SPTAN1: variants seen among roughly 807,000 people sequenced by gnomAD.
SPTAN1 encodes spectrin alpha, non-erythrocytic 1.
A neutral mutation model predicts 331.3 loss-of-function variants in SPTAN1; 61 were observed. That is an observed-to-expected ratio of 0.18 (90% confidence interval 0.15 to 0.23). The LOEUF is 0.23. SPTAN1 is among the 10% of genes least tolerant of loss of function. The pLI is 1.00. For missense variants in SPTAN1, 2,043 were observed against 3,147.9 expected (o/e 0.65, Z 8.40); for synonymous variants, 1,153 against 1,173.9 (o/e 0.98, Z 0.36).
At position 128,581,007 on chromosome 9, in the gene SPTAN1, A is replaced by G. The variant is rs770224141; in HGVS notation, c.1409A>G (p.Gln470Arg). Residue 470 changes from glutamine (Q) to arginine (R), a missense_variant, in exon 11 of 57, where the codon CAG becomes CGG. This residue lies in a region of SPTAN1 where 1,038 missense variants were observed against 1,531.5 expected (regional missense o/e 0.68). Coordinates refer to ENST00000372739, the MANE Select transcript of SPTAN1 (RefSeq NM_001130438.3). ...RQQYEQCMDLQLFYRDTEQVD... is the reference protein window; with the variant it reads ...RQQYEQCMDLRLFYRDTEQVD... ...CAGTACGAGCAGTGCATGGACCTGCAGCTCTTCTACCGGGACACTGAGCAG... is the reference window on the plus strand; with the variant it reads ...CAGTACGAGCAGTGCATGGACCTGCGGCTCTTCTACCGGGACACTGAGCAG... The G allele has an allele frequency of 1.2e-6, 2 of 1,614,126 alleles. No individual in the cohort carries two copies. The highest frequency in any genetic ancestry group is 1.7e-6 in the Non-Finnish European group (2 of 1,180,048).
chr9:128,606,841 T>C (rs1286932889), intron 31 of SPTAN1, among the ~76,000 whole-genome samples: 1 of 152,128 alleles, frequency 6.6e-6, no homozygotes, highest in Non-Finnish European at 1.5e-5. Context: ...TTAACTACTT[T>C]AAAATGTGCA....
chr9:128,580,755 T>C (rs1486550163), intron 10 of SPTAN1, among the ~76,000 whole-genome samples, 167 bp from the exon 11 acceptor site: 1 of 152,200 alleles, frequency 6.6e-6, no homozygotes, highest in Non-Finnish European at 1.5e-5. Flanking sequence ...ATCCCTTTTA[T>C]ATTGAACATG....
chr9:128,621,386 A>G (rs1372325439), intron 45 of SPTAN1, 130 bp downstream of exon 45: 2 of 751,786 alleles, frequency 2.7e-6, no homozygotes, highest in African/African-American at 1.7e-5. Flanking sequence ...ACCAGCAGCA[A>G]TTCCATTCCT....
intron 1 of SPTAN1, among the ~76,000 whole-genome samples, chr9:128,561,356 G>A (rs1310387368): frequency 3.0e-5 from 4 of 133,716 alleles, no homozygotes; most frequent in Non-Finnish European, 6.3e-5. Context: ...TGGCGACAGA[G>A]CAAGACTCCA....
At chr9:128,594,027 T>A (rs1853889130) in intron 23 of SPTAN1, 148 bp from the exon 24 acceptor site, 1 of 764,002 alleles carries the variant, frequency 1.3e-6, no homozygotes. Flanking sequence ...CTCGTCTTCA[T>A]CTGATAACTC....
intron 3 of SPTAN1, among the ~76,000 whole-genome samples, chr9:128,569,145 TAAAGA>T: frequency 6.6e-6 from 1 of 152,346 alleles, no homozygotes; most frequent in East Asian, 1.9e-4. Flanking sequence ...GATTATACTT[TAAAGA>T]AAACTGTGAA....
chr9:128,582,734 G>T lies in SPTAN1; in HGVS notation c.1691G>T (p.Arg564Leu). The T allele has an allele frequency of 2.5e-6, 4 of 1,613,950 alleles. No homozygotes were observed. Among genetic ancestry groups the T allele is most frequent in the Non-Finnish European group, 3.4e-6 (4 of 1,180,036 alleles). ...RRNALHERAM[R>L]RRAQLADSFH... ...AATGCCCTTCACGAGAGAGCCATGCGTCGCCGGGCCCAGCTAGCCGATTCT... is the reference window on the plus strand; with the variant it reads ...AATGCCCTTCACGAGAGAGCCATGCTTCGCCGGGCCCAGCTAGCCGATTCT... Residue 564 changes from arginine to leucine, a missense_variant, in exon 14 of 57, where the codon CGT becomes CTT. Physicochemically the swap from Arg to Leu is moderately radical, Grantham distance 102 (BLOSUM62 -2). Transcript: ENST00000372739.
At chr9:128,599,065 C>T (rs1854701498) in intron 26 of SPTAN1, 79 bp downstream of exon 26, 2 of 1,395,408 alleles carry the variant, frequency 1.4e-6, no homozygotes, top group African/African-American at 1.4e-5. Context: ...CCAAGAACTT[C>T]TTCATCAGAA....
At chr9:128,558,101 C>CT (rs1406805694) in intron 1 of SPTAN1, among the ~76,000 whole-genome samples, 2 of 152,206 alleles carry the variant, frequency 1.3e-5, no homozygotes, top group Non-Finnish European at 2.9e-5. Flanking sequence ...CCGCGCCCAG[C>CT]TGTATATTAG....
chr9:128,605,334 G>C lies in SPTAN1; in HGVS notation c.3903G>C (p.Gln1301His). 6.2e-7 allele frequency: 1 copy of C among 1,614,184 alleles called. No homozygotes were observed. The highest frequency in any genetic ancestry group is 8.5e-7 in the Non-Finnish European group (1 of 1,180,044). The change falls in exon 31 of 57, where the codon CAG (glutamine) becomes CAC (histidine). Residue 1301 changes from glutamine (Q) to histidine (H), a missense_variant. Physicochemically the swap from Gln to His is conservative, Grantham distance 24. Around this residue, in one of 12 missense-constraint regions of SPTAN1, gnomAD observed 42 missense variants for 106.0 expected, o/e 0.40. Coordinates refer to ENST00000372739, the MANE Select transcript of SPTAN1 (RefSeq NM_001130438.3). ...SLGETAERLI[Q>H]SHPESAEDLQ... Reference sequence around the variant, plus strand: ...GTGAAACAGCAGAGCGCCTGATCCAGTCCCATCCCGAGTCAGCAGAAGACC... The same window carrying C: ...GTGAAACAGCAGAGCGCCTGATCCACTCCCATCCCGAGTCAGCAGAAGACC...
At position 128,579,840 on chromosome 9, in the gene SPTAN1, A is replaced by G. The variant is rs572736018; in HGVS notation, c.1323+102A>G. 2.6e-5 allele frequency: 25 copies of G among 955,650 alleles called. No individual in the cohort carries two copies. In the African/African-American group the frequency reaches 3.9e-4, roughly 15 times the overall value. The allele number at this position is 955,650 out of a possible 1,614,324, so 59.2% of individuals were successfully genotyped here. A position where few individuals can be genotyped will look rare whatever the true frequency, so the allele number is the denominator to read the frequency against. On this transcript the variant is annotated intron_variant, in intron 10 of 56. Coordinates refer to ENST00000372739, the MANE Select transcript of SPTAN1 (RefSeq NM_001130438.3). ...TAAATATCCAGAGAACGCATTCACC[A>G]TGATATGTGAGAAACTTTCCTTTCT...
rs150870424 is a variant in SPTAN1 at position 128,591,512 on chromosome 9, T to G, written c.3042T>G (p.Gly1014=). The G allele has an allele frequency of 4.3e-5, 70 of 1,614,064 alleles. 1 individual carries two copies. The African/African-American group carries it at 8.7e-4, about 20-fold the overall frequency. ...AAGTGGAAGTGAACGATCGTCAGGGTTTTGTGCCGGCTGCGTACGTGAAGA... is the reference window on the plus strand; with the variant it reads ...AAGTGGAAGTGAACGATCGTCAGGGGTTTGTGCCGGCTGCGTACGTGAAGA... ...WWKVEVNDRQ[G]FVPAAYVKKL... Residue 1014 remains glycine (G), a synonymous_variant, in exon 22 of 57, where the codon GGT becomes GGG. Transcript: ENST00000372739.
chr9:128,567,022 A>G lies in SPTAN1; in HGVS notation c.237+45A>G, dbSNP rs771562394. 12 of 1,612,300 alleles carry G rather than the reference A, an allele frequency of 7.4e-6. No homozygotes were observed. The African/African-American group carries it at 1.5e-4, about 20-fold the overall frequency. On this transcript the variant is annotated intron_variant, in intron 2 of 56. Coordinates refer to ENST00000372739, the MANE Select transcript of SPTAN1 (RefSeq NM_001130438.3). ...ATTCCTGCCAAAATTCAAGAGCCCA[A>G]ATGTTCTTACCCAAAAATCAGACGA...
rs890173032 is a variant in SPTAN1 at position 128,625,621 on chromosome 9, G to A, written c.6070-148G>A. The A allele has an allele frequency of 3.9e-6, 3 of 776,066 alleles. No homozygotes were observed. Among genetic ancestry groups the A allele is most frequent in the Non-Finnish European group, 6.7e-6 (3 of 446,654 alleles). 48.1% of individuals were successfully genotyped at this position (776,066 alleles called of 1,614,324 possible). A position where few individuals can be genotyped will look rare whatever the true frequency, so the allele number is the denominator to read the frequency against. The stretch of plus-strand genomic sequence containing the variant: ...CTGCGGTCTGAAGGAGAGCAGGAAA[G>A]GGGGCATGTGTGACTGAGTCTCAGC... On this transcript the variant is annotated intron_variant, in intron 47 of 56. Transcript: ENST00000372739. The surrounding 1 kb of genome is among the most constrained non-coding windows in gnomAD (Gnocchi z 4.1).
intron 20 of SPTAN1, among the ~76,000 whole-genome samples, chr9:128,587,905 G>A (rs2131244705): frequency 6.6e-6 from 1 of 152,154 alleles, no homozygotes; most frequent in South Asian, 2.1e-4. Flanking sequence ...GAGTGCAGTG[G>A]CACAACCTCG....
At chr9:128,583,686 T>C in intron 15 of SPTAN1, 102 bp from the exon 16 acceptor site, 2 of 1,242,414 alleles carry the variant, frequency 1.6e-6, no homozygotes, top group Non-Finnish European at 2.3e-6. Flanking sequence ...GGAATAAAAT[T>C]CTGACCTGTA....
chr9:128,617,566 A>C, intron 41 of SPTAN1, 74 bp from the exon 42 acceptor site: 1 of 1,608,312 alleles, frequency 6.2e-7, no homozygotes, highest in Non-Finnish European at 8.5e-7. Flanking sequence ...TGAGGTCCAC[A>C]GTTGACCTGA....
chr9:128,608,340 TTATA>T (rs1856160047), intron 34 of SPTAN1, 64 bp downstream of exon 34: 1 of 1,599,676 alleles, frequency 6.3e-7, no homozygotes, highest in Non-Finnish European at 8.6e-7. Context: ...GTTTCTTGGC[TTATA>T]TAGTCACTGT....
rs1853709439 is a variant in SPTAN1, at chr9:128,592,834, T to TA, written c.3156-148dup. On this transcript the variant is annotated intron_variant, in intron 22 of 56. Coordinates refer to ENST00000372739, the MANE Select transcript of SPTAN1 (RefSeq NM_001130438.3). ...CTTTACTGTCATGTCACTCATGACTTAGACTGCTCCTTAGACCTGTTGAAT... is the reference window on the plus strand; with the variant it reads ...CTTTACTGTCATGTCACTCATGACTTAAGACTGCTCCTTAGACCTGTTGAAT... The TA allele has an allele frequency of 4.0e-6, 3 of 752,428 alleles. No homozygotes were observed. In the Admixed American group the frequency reaches 6.0e-5, roughly 15 times the overall value. The allele number at this position is 752,428 out of a possible 1,614,324, so 46.6% of individuals were successfully genotyped here.
Sources: gnomAD v4.1 joint callset for allele counts (sites outside exome capture counted in the v4.1 genomes callset) on GRCh38, gnomAD v4.1.1 for gene constraint, gnomAD v4.1.1 regional missense constraint, Gnocchi (gnomAD v3.1) non-coding constraint, MANE v1.5 for transcripts, NCBI Gene and HGNC (gene_info 2026-07-23, HGNC 2026-07-21) for gene names.